CUL3: variants seen among roughly 807,000 people sequenced by gnomAD.
CUL3 encodes the protein cullin 3.
CUL3 carries 19 observed loss-of-function variants against 89.1 expected under a neutral mutation model. That is an observed-to-expected ratio of 0.21 (90% confidence interval 0.15 to 0.31). The LOEUF is 0.31. Among genes scored for constraint, CUL3 ranks in the 10% least tolerant of loss-of-function variants. The pLI is 1.00. For missense variants in CUL3, 469 were observed against 942.3 expected (o/e 0.50, Z 6.58); for synonymous variants, 351 against 308.4 (o/e 1.14, Z -1.45).
At chr2:224,543,139 A>C (rs1218239173) in intron 2 of CUL3, among the ~76,000 whole-genome samples, 3 of 152,238 alleles carry the variant, frequency 2.0e-5, no homozygotes, top group Admixed American at 6.5e-5. Context: ...AAAACAAATT[A>C]AAAACTTTAA....
intron 15 of CUL3, 111 bp from the exon 16 acceptor site, chr2:224,474,487 T>C (rs1691245502): frequency 3.6e-6 from 3 of 840,372 alleles, no homozygotes; most frequent in African/African-American, 3.4e-5. Flanking sequence ...CTAACTGGAT[T>C]ACCAAAGATA....
At chr2:224,584,261 C>G (rs1695514214) in intron 1 of CUL3, among the ~76,000 whole-genome samples, 1 of 150,098 alleles carries the variant, frequency 6.7e-6, no homozygotes, top group Non-Finnish European at 1.5e-5. Context: ...ACCAATTGGC[C>G]GGTTTGCTCT....
chr2:224,475,826 T>C (rs1691297348), intron 15 of CUL3, among the ~76,000 whole-genome samples: 1 of 152,246 alleles, frequency 6.6e-6, no homozygotes, highest in South Asian at 2.1e-4. Context: ...CCATAAACAC[T>C]ATTTGATTAA....
At chr2:224,532,797 C>A (rs925890465) in intron 3 of CUL3, among the ~76,000 whole-genome samples, 4 of 151,966 alleles carry the variant, frequency 2.6e-5, no homozygotes, top group African/African-American at 9.7e-5. Flanking sequence ...AAGGTAGAAC[C>A]CTAAAATACT....
At chr2:224,487,779 A>G (rs1691790079) in intron 13 of CUL3, among the ~76,000 whole-genome samples, 1 of 152,184 alleles carries the variant, frequency 6.6e-6, no homozygotes, top group African/African-American at 2.4e-5. Flanking sequence ...TCCATCCCAC[A>G]TCAACAGAAT....
At chr2:224,500,561 T>G (rs532867546) in intron 10 of CUL3, 74 bp from the exon 11 acceptor site, 9 of 1,441,892 alleles carry the variant, frequency 6.2e-6, no homozygotes, top group Admixed American at 1.9e-5. Flanking sequence ...AGACATTGTG[T>G]TAGATTTACC....
intron 2 of CUL3, among the ~76,000 whole-genome samples, chr2:224,542,094 A>T (rs1559198384): frequency 6.6e-6 from 1 of 152,180 alleles, no homozygotes; most frequent in Non-Finnish European, 1.5e-5. Flanking sequence ...CTGTTTCCTT[A>T]TTATTTTATC....
chr2:224,572,970 AC>A (rs1458219735), intron 1 of CUL3, among the ~76,000 whole-genome samples: 1 of 152,186 alleles, frequency 6.6e-6, no homozygotes, highest in Non-Finnish European at 1.5e-5. Context: ...TTGTTATAGC[AC>A]CACAAAAAGA....
intron 3 of CUL3, among the ~76,000 whole-genome samples, chr2:224,523,260 C>A (rs1380491995): frequency 6.6e-6 from 1 of 152,062 alleles, no homozygotes; most frequent in Non-Finnish European, 1.5e-5. Flanking sequence ...ACATCTACCT[C>A]AAAATGTTAT....
At chr2:224,477,809 T>C (rs1176379174) in intron 15 of CUL3, among the ~76,000 whole-genome samples, 1 of 152,232 alleles carries the variant, frequency 6.6e-6, no homozygotes, top group Non-Finnish European at 1.5e-5. Flanking sequence ...CTCTCCCACC[T>C]ATCTTAATGG....
chr2:224,585,000 G>C lies in CUL3; in HGVS notation c.10C>G (p.Leu4Val). Residue 4 changes from leucine (L) to valine (V), a missense_variant, in exon 1 of 16, where the codon CTG (leucine) becomes GTG (valine). By Grantham distance (32) the Leu-to-Val change is conservative (BLOSUM62 1). This residue lies in a region of CUL3 where 32 missense variants were observed against 29.7 expected (regional missense o/e 1.08). Coordinates refer to ENST00000264414, the MANE Select transcript of CUL3 (RefSeq NM_003590.5). ...TTCCGGCTGCCCGTGCCTTTGCTCA[G>C]ATTCGACATGGTGCTCGTCCCCTCC... MSN[L>V]SKGTGSRKDT... The C allele has an allele frequency of 1.3e-6, 2 of 1,509,504 alleles. No individual in the cohort carries two copies. The highest frequency in any genetic ancestry group is 1.8e-6 in the Non-Finnish European group (2 of 1,118,102). 93.5% of individuals were successfully genotyped at this position (1,509,504 alleles called of 1,614,324 possible). A position where few individuals can be genotyped will look rare whatever the true frequency, so the allele number is the denominator to read the frequency against.
intron 8 of CUL3, among the ~76,000 whole-genome samples, chr2:224,504,488 T>C (rs1485561984): frequency 1.3e-5 from 2 of 152,102 alleles, no homozygotes; most frequent in African/African-American, 4.8e-5. Context: ...TTTGTATTTT[T>C]AGTAGAGATG....
At chr2:224,578,680 TTC>T (rs1447806153) in intron 1 of CUL3, among the ~76,000 whole-genome samples, 1 of 152,160 alleles carries the variant, frequency 6.6e-6, no homozygotes, top group Non-Finnish European at 1.5e-5. Flanking sequence ...TACCTTTACA[TTC>T]TGTTGACCTT....
chr2:224,506,529 A>C lies in CUL3; in HGVS notation c.1029+329T>G, dbSNP rs12620365. On this transcript the variant is annotated intron_variant, in intron 7 of 15. Transcript: ENST00000264414. ...TTGAAAACAAAACATTTTCAAACAA[A>C]AAATACTTAAACCAGTTGTTTTTTC... is the stretch of plus-strand genomic sequence containing the variant. 6.1e-3 allele frequency among the ~76,000 whole-genome samples: 932 copies of C among 152,324 alleles called. 57 individuals carry two copies. The East Asian group carries it at 0.16, about 25-fold the overall frequency.
Position 224,530,902 on chromosome 2 carries a change from G to C in CUL3, c.378+4626C>G, listed in dbSNP as rs138745376. Among the ~76,000 whole-genome samples the C allele has an allele frequency of 2.3e-3, 335 of 146,718 alleles. 2 individuals are homozygous for C. In the East Asian group the frequency reaches 0.059, roughly 26 times the overall value. On this transcript the variant is annotated intron_variant, in intron 3 of 15. Coordinates refer to ENST00000264414, the MANE Select transcript of CUL3 (RefSeq NM_003590.5). ...AGCCTGGGCGACAGAGCAAGACCCT[G>C]TCTCAAAAAACAAAACCAAACAAAC...
At chr2:224,509,191 C>A (rs546973087) in intron 6 of CUL3, among the ~76,000 whole-genome samples, 23 of 152,172 alleles carry the variant, frequency 1.5e-4, no homozygotes, top group Non-Finnish European at 3.2e-4. Flanking sequence ...AGGTTTCTAG[C>A]GGAAGCTCAG....
chr2:224,488,303 T>C (rs1691819277), intron 13 of CUL3, among the ~76,000 whole-genome samples: 1 of 150,628 alleles, frequency 6.6e-6, no homozygotes, highest in South Asian at 2.1e-4. Flanking sequence ...CAGAAAACTC[T>C]TCAAAAAAAA....
chr2:224,524,297 G>A (rs562009239), intron 3 of CUL3, among the ~76,000 whole-genome samples: 1 of 152,212 alleles, frequency 6.6e-6, no homozygotes, highest in South Asian at 2.1e-4. Context: ...TGGTTACCAA[G>A]CAGCTAGGAC....
intron 1 of CUL3, among the ~76,000 whole-genome samples, chr2:224,583,730 G>A (rs1695498575): frequency 6.6e-6 from 1 of 152,062 alleles, no homozygotes; most frequent in South Asian, 2.1e-4. Flanking sequence ...TAAATTTTAG[G>A]AATTCAGAGA....
Sources: gnomAD v4.1 joint callset for allele counts (sites outside exome capture counted in the v4.1 genomes callset) on GRCh38, gnomAD v4.1.1 for gene constraint, gnomAD v4.1.1 regional missense constraint, MANE v1.5 for transcripts, NCBI Gene and HGNC (gene_info 2026-07-23, HGNC 2026-07-21) for gene names.